HTR2A: variants seen among roughly 807,000 people sequenced by gnomAD.
The protein encoded by HTR2A is 5-hydroxytryptamine receptor 2A.
In HTR2A, 14 loss-of-function variants were observed where a neutral mutation model predicts 31.0. The observed-to-expected ratio is 0.45, with a 90% CI of 0.30 to 0.71. The LOEUF is 0.71. Ranked by LOEUF, HTR2A falls within the 30% of genes least tolerant of loss-of-function variation. The probability of loss-of-function intolerance (pLI) is 0.09; values close to 1 mark genes in which losing one functional copy is unlikely to be tolerated. For synonymous variants in HTR2A, 209 were observed against 225.2 expected (o/e 0.93, Z 0.64); for missense variants, 442 against 573.3 (o/e 0.77, Z 2.34).
chr13:46,875,258 A>C (rs528720279), intron 3 of HTR2A, among the ~76,000 whole-genome samples: 102 of 152,330 alleles, frequency 6.7e-4, no homozygotes, highest in African/African-American at 2.2e-3. Flanking sequence ...AAAACTTTCA[A>C]ATGTGAAAAG....
chr13:46,892,474 T>G lies in HTR2A; in HGVS notation c.529A>C (p.Ile177Leu), dbSNP rs1237371930. The G allele has an allele frequency of 6.2e-7, 1 of 1,614,116 alleles. No homozygotes were observed. The highest frequency in any genetic ancestry group is 1.3e-5 in the African/African-American group (1 of 74,950). Residue 177 changes from isoleucine to leucine, a missense_variant, in exon 3 of 4, where the codon ATC (isoleucine) becomes CTC (leucine). By Grantham distance (5) the Ile-to-Leu change is conservative. Coordinates refer to ENST00000542664, the MANE Select transcript of HTR2A (RefSeq NM_000621.5). ...CGGCTGTGGTGGATGGGATTCTGGA[T>G]GGCGACGTAGCGGTCCAGCGAGATG... Reference protein sequence around the residue: ...CAISLDRYVAIQNPIHHSRFN... With the variant: ...CAISLDRYVALQNPIHHSRFN...
chr13:46,873,427 TTTATTATTATTATTATTATTA>T (rs56356002), intron 3 of HTR2A, among the ~76,000 whole-genome samples: 5 of 144,820 alleles, frequency 3.5e-5, no homozygotes, highest in Admixed American at 6.9e-5. Context: ...TAATATAAAA[TTTATTATTATTATTATTATTA>T]TTATTATTAT....
intron 3 of HTR2A, among the ~76,000 whole-genome samples, chr13:46,866,614 G>A (rs1950820202): frequency 6.6e-6 from 1 of 152,180 alleles, no homozygotes; most frequent in African/African-American, 2.4e-5. Flanking sequence ...TAGGTACTGT[G>A]TTAGGAACTG....
chr13:46,858,848 C>A (rs1950758695), intron 3 of HTR2A, among the ~76,000 whole-genome samples: 1 of 152,060 alleles, frequency 6.6e-6, no homozygotes, highest in African/African-American at 2.4e-5. Context: ...GGGCACTACC[C>A]ATCTCAGAGG....
Position 46,834,681 on chromosome 13 carries a change from C to T in HTR2A, c.*156G>A, listed in dbSNP as rs1876370909. ...CAAGCACACATTTTGTAGCATTGAA[C>T]CCCGCTTTTCATTGACAGAATAAAA... On this transcript the variant is annotated 3_prime_UTR_variant, in exon 4 of 4. Coordinates refer to ENST00000542664, the MANE Select transcript of HTR2A (RefSeq NM_000621.5). 8 of 593,900 alleles carry T rather than the reference C, an allele frequency of 1.3e-5. No individual in the cohort carries two copies. Among genetic ancestry groups the T allele is most frequent in the Admixed American group, 1.3e-4 (4 of 31,814 alleles). 36.8% of individuals were successfully genotyped at this position (593,900 alleles called of 1,614,324 possible).
intron 3 of HTR2A, among the ~76,000 whole-genome samples, chr13:46,881,965 A>G (rs867239347): frequency 1.4e-4 from 21 of 152,098 alleles, no homozygotes; most frequent in South Asian, 6.2e-4. Context: ...GACCTAAATG[A>G]GCATGCTATT....
chr13:46,846,100 A>C (rs528552723), intron 3 of HTR2A, among the ~76,000 whole-genome samples: 1 of 152,182 alleles, frequency 6.6e-6, no homozygotes, highest in Non-Finnish European at 1.5e-5. Flanking sequence ...CCACTGATAC[A>C]GGAGAAAAAA....
At chr13:46,836,336 T>G (rs746246007) in intron 3 of HTR2A, among the ~76,000 whole-genome samples, 4 of 152,060 alleles carry the variant, frequency 2.6e-5, no homozygotes, top group Non-Finnish European at 5.9e-5. Context: ...TTCTCACCAG[T>G]CAGGGGCAAC....
chr13:46,861,528 T>C lies in HTR2A; in HGVS notation c.614-25889A>G, dbSNP rs1194451036. Among the ~76,000 whole-genome samples the C allele has an allele frequency of 3.3e-5, 5 of 152,334 alleles. No homozygotes were observed. In the East Asian group the frequency reaches 7.7e-4, roughly 24 times the overall value. On this transcript the variant is annotated intron_variant, in intron 3 of 3. Transcript: ENST00000542664. ...ACATTGGAAAGGCCTGTTCTTAGATTGTCTCCCTCACCTTCCTGGTTTTCC... is the reference window on the plus strand; with the variant it reads ...ACATTGGAAAGGCCTGTTCTTAGATCGTCTCCCTCACCTTCCTGGTTTTCC...
At chr13:46,844,337 T>C (rs1484219517) in intron 3 of HTR2A, among the ~76,000 whole-genome samples, 1 of 152,234 alleles carries the variant, frequency 6.6e-6, no homozygotes, top group Admixed American at 6.5e-5. Context: ...TTGAAGTTAC[T>C]GAATAATTTC....
At chr13:46,860,103 C>A (rs1950768584) in intron 3 of HTR2A, among the ~76,000 whole-genome samples, 1 of 152,138 alleles carries the variant, frequency 6.6e-6, no homozygotes, top group African/African-American at 2.4e-5. Flanking sequence ...GAGGAATTCT[C>A]AGAATTCTCC....
intron 3 of HTR2A, among the ~76,000 whole-genome samples, chr13:46,873,800 T>C (rs550786140): frequency 1.2e-3 from 185 of 152,336 alleles, no homozygotes; most frequent in Non-Finnish European, 2.2e-3. Flanking sequence ...AACATTTCAC[T>C]TTCACAGTTC....
At chr13:46,883,548 T>C (rs1385786043) in intron 3 of HTR2A, among the ~76,000 whole-genome samples, 6 of 152,172 alleles carry the variant, frequency 3.9e-5, no homozygotes. Flanking sequence ...TTTTCACCTT[T>C]TCTGAGATAT....
chr13:46,845,377 A>G (rs2138193043), intron 3 of HTR2A, among the ~76,000 whole-genome samples: 1 of 152,212 alleles, frequency 6.6e-6, no homozygotes, highest in South Asian at 2.1e-4. Context: ...GTGAGCCTGG[A>G]CTTGCTGGGG....
At chr13:46,853,181 C>T (rs1055397380) in intron 3 of HTR2A, among the ~76,000 whole-genome samples, 7 of 152,170 alleles carry the variant, frequency 4.6e-5, no homozygotes, top group Admixed American at 2.0e-4. Flanking sequence ...TATCGTACAC[C>T]AGGAGAAGGG....
intron 3 of HTR2A, among the ~76,000 whole-genome samples, chr13:46,884,827 C>CATAT (rs71077931): frequency 0.014 from 2,184 of 151,180 alleles, 52 homozygotes; most frequent in African/African-American, 0.048. Context: ...TGTATGTATA[C>CATAT]ATATATATAT....
intron 3 of HTR2A, among the ~76,000 whole-genome samples, chr13:46,860,530 G>C (rs1177242571): frequency 6.6e-6 from 1 of 152,126 alleles, no homozygotes; most frequent in Non-Finnish European, 1.5e-5. Context: ...CTCTTTCAAG[G>C]AGAGAGAAGA....
upstream of HTR2A, among the ~76,000 whole-genome samples, chr13:46,898,076 C>T (rs544968833): frequency 1.7e-4 from 26 of 152,306 alleles, no homozygotes; most frequent in African/African-American, 6.3e-4. Flanking sequence ...GTGTTTCTCA[C>T]ATGTCCTCTC....
In HTR2A at chr13:46,896,030, C is replaced by G. The variant is rs1027485257; in HGVS notation, c.-124G>C. The stretch of plus-strand genomic sequence containing the variant: ...GAGGCTGGTGTACATGCTGTTCTCC[C>G]GGGGCTGGATTTTTGTCTTCCATTA... On this transcript the variant is annotated 5_prime_UTR_variant, in exon 2 of 4. Coordinates refer to ENST00000542664, the MANE Select transcript of HTR2A (RefSeq NM_000621.5). 1.1e-5 allele frequency: 15 copies of G among 1,427,580 alleles called. No individual in the cohort carries two copies. The highest frequency in any genetic ancestry group is 1.2e-5 in the Non-Finnish European group (13 of 1,097,950). The allele number at this position is 1,427,580 out of a possible 1,614,324, so 88.4% of individuals were successfully genotyped here. A position where few individuals can be genotyped will look rare whatever the true frequency, so the allele number is the denominator to read the frequency against.
Sources: gnomAD v4.1 joint callset for allele counts (sites outside exome capture counted in the v4.1 genomes callset) on GRCh38, gnomAD v4.1.1 for gene constraint, MANE v1.5 for transcripts, NCBI Gene and HGNC (gene_info 2026-07-23, HGNC 2026-07-21) for gene names.